Variants in GRM3 observed in about 807,000 individuals in gnomAD.
GRM3 encodes the protein metabotropic glutamate receptor 3.
In GRM3, 26 loss-of-function variants were observed where a neutral mutation model predicts 70.5. The ratio of observed to expected loss-of-function variants is 0.37; its 90% CI spans 0.27 to 0.51. The LOEUF is 0.51. Among genes scored for constraint, GRM3 ranks in the 20% least tolerant of loss-of-function variants. The pLI, the probability that GRM3 is intolerant of heterozygous loss-of-function variation, is 0.93. For missense variants in GRM3, 859 were observed against 1,123.8 expected (o/e 0.76, Z 3.37); for synonymous variants, 443 against 434.9 (o/e 1.02, Z -0.23).
At chr7:86,656,928 C>T (rs1374105418) in intron 1 of GRM3, among the ~76,000 whole-genome samples, 5 of 152,002 alleles carry the variant, frequency 3.3e-5, no homozygotes, top group Non-Finnish European at 7.4e-5. Context: ...TCTTGTCTGT[C>T]GTTTTTAGCA....
rs2116738704 is a variant in GRM3 at position 86,839,721 on chromosome 7, G to A, written c.2207G>A (p.Ser736Asn). Residue 736 changes from serine to asparagine, a missense_variant, in exon 4 of 6, where the codon AGC becomes AAC. Ser to Asn is a conservative substitution (Grantham distance 46). Transcript: ENST00000361669. This position sits in a 1 kb window ranked among gnomAD's most constrained non-coding sequence, Gnocchi z 4.5. ...VILKCNVKDS[S>N]MLISLTYDVI... ...CTAAAATGCAATGTCAAAGATTCCA[G>A]CATGTTGATCTCTCTTACCTACGAT... 6.2e-7 allele frequency: 1 copy of A among 1,614,098 alleles called. No individual in the cohort carries two copies. Among genetic ancestry groups the A allele is most frequent in the Non-Finnish European group, 8.5e-7 (1 of 1,179,986 alleles).
intron 1 of GRM3, among the ~76,000 whole-genome samples, chr7:86,699,096 A>G (rs1453651974): frequency 6.6e-6 from 1 of 152,080 alleles, no homozygotes; most frequent in Non-Finnish European, 1.5e-5. Context: ...AAAAAGAAAT[A>G]CAGGGAGAGA....
intron 1 of GRM3, among the ~76,000 whole-genome samples, chr7:86,712,812 T>C (rs537271872): frequency 6.6e-6 from 1 of 152,224 alleles, no homozygotes; most frequent in Non-Finnish European, 1.5e-5. Context: ...ATAACAGAAT[T>C]TCATTATTTT....
At chr7:86,789,870 T>G (rs1797362317) in intron 3 of GRM3, among the ~76,000 whole-genome samples, 2 of 152,252 alleles carry the variant, frequency 1.3e-5, no homozygotes, top group East Asian at 3.8e-4. Context: ...AACATGGATC[T>G]TGTTTGAAGC....
intron 2 of GRM3, among the ~76,000 whole-genome samples, chr7:86,780,105 T>C (rs1797005969): frequency 6.6e-6 from 1 of 152,222 alleles, no homozygotes; most frequent in Admixed American, 6.5e-5. Flanking sequence ...TGTCACATTT[T>C]CTTAATCCAG....
chr7:86,853,614 G>C (rs1028708021), intron 5 of GRM3, among the ~76,000 whole-genome samples: 1 of 152,122 alleles, frequency 6.6e-6, no homozygotes, highest in Non-Finnish European at 1.5e-5. Context: ...TTGGGCGATT[G>C]TTAATATTGC....
chr7:86,739,920 A>G (rs1795948325), intron 1 of GRM3, among the ~76,000 whole-genome samples: 1 of 152,184 alleles, frequency 6.6e-6, no homozygotes, highest in Non-Finnish European at 1.5e-5. Context: ...TCATCTCTAA[A>G]ATGTAAATTT....
chr7:86,824,861 T>A (rs1272752219), intron 3 of GRM3, among the ~76,000 whole-genome samples: 1 of 152,102 alleles, frequency 6.6e-6, no homozygotes, highest in African/African-American at 2.4e-5. Flanking sequence ...TAAGGTATTA[T>A]GTTAGGGTAC....
chr7:86,650,737 C>T (rs552251299), intron 1 of GRM3, among the ~76,000 whole-genome samples: 5 of 152,206 alleles, frequency 3.3e-5, no homozygotes, highest in South Asian at 2.1e-4. Flanking sequence ...ATCTGTAAAA[C>T]TTAGTACAGT....
rs528694255 is a variant in GRM3 at position 86,713,734 on chromosome 7, T to G, written c.-140-51272T>G. 1.2e-4 allele frequency among the ~76,000 whole-genome samples: 18 copies of G among 152,142 alleles called. No homozygotes were observed. In the East Asian group the frequency reaches 3.5e-3, roughly 29 times the overall value. ...AATATGTCTTAACTATCTTTATGTT[T>G]CTTACAACTTCTAGCAAAGTAGTTC... On this transcript the variant is annotated intron_variant, in intron 1 of 5. Transcript: ENST00000361669.
At chr7:86,668,857 T>C (rs566874174) in intron 1 of GRM3, among the ~76,000 whole-genome samples, 1 of 152,294 alleles carries the variant, frequency 6.6e-6, no homozygotes, top group South Asian at 2.1e-4. Flanking sequence ...GTATATCTTC[T>C]GGGAACCTTG....
chr7:86,729,722 G>GA (rs530126183), intron 1 of GRM3, among the ~76,000 whole-genome samples: 1 of 152,080 alleles, frequency 6.6e-6, no homozygotes, highest in Admixed American at 6.5e-5. Context: ...AAATCACACA[G>GA]AAAAAAAGTC....
chr7:86,827,721 C>T (rs529239728), intron 3 of GRM3, among the ~76,000 whole-genome samples: 2 of 152,222 alleles, frequency 1.3e-5, no homozygotes, highest in African/African-American at 4.8e-5. Flanking sequence ...ACTATGTTGG[C>T]CAGGCTGGTC....
intron 1 of GRM3, among the ~76,000 whole-genome samples, chr7:86,720,237 C>T (rs1258550975): frequency 6.6e-6 from 1 of 151,778 alleles, no homozygotes; most frequent in Non-Finnish European, 1.5e-5. Context: ...ACGATAATTC[C>T]AGGGTTTCTT....
At chr7:86,813,238 G>A (rs1584260140) in intron 3 of GRM3, among the ~76,000 whole-genome samples, 1 of 151,754 alleles carries the variant, frequency 6.6e-6, no homozygotes, top group African/African-American at 2.4e-5. Context: ...CCTTTTAGCA[G>A]TTCCTGTCTC....
At chr7:86,720,268 A>C (rs944625605) in intron 1 of GRM3, among the ~76,000 whole-genome samples, 9 of 152,020 alleles carry the variant, frequency 5.9e-5, no homozygotes, top group Admixed American at 2.6e-4. Flanking sequence ...CTGGCAGGAC[A>C]CTGAGATAGA....
intron 3 of GRM3, among the ~76,000 whole-genome samples, chr7:86,813,795 C>T (rs1396238226): frequency 1.3e-5 from 2 of 151,618 alleles, no homozygotes; most frequent in Non-Finnish European, 3.0e-5. Context: ...AAGGAAAATA[C>T]CTTGGCAATT....
At chr7:86,855,998 T>C (rs1798838586) in intron 5 of GRM3, among the ~76,000 whole-genome samples, 1 of 152,184 alleles carries the variant, frequency 6.6e-6, no homozygotes. Context: ...TGATGGTCTT[T>C]CTTGCCACAG....
intron 3 of GRM3, among the ~76,000 whole-genome samples, chr7:86,824,914 TTGGAAGAATAGTGAGA>T (rs1167166765): frequency 2.0e-5 from 3 of 152,112 alleles, no homozygotes; most frequent in African/African-American, 7.2e-5. Context: ...TTGAGCACAG[TTGGAAGAATAGTGAGA>T]CTCAAATGAT....
Sources: gnomAD v4.1 joint callset for allele counts (sites outside exome capture counted in the v4.1 genomes callset) on GRCh38, gnomAD v4.1.1 for gene constraint, Gnocchi (gnomAD v3.1) non-coding constraint, MANE v1.5 for transcripts, NCBI Gene and HGNC (gene_info 2026-07-23, HGNC 2026-07-21) for gene names.